Variants in PIK3CA observed in about 807,000 individuals in gnomAD.
The protein encoded by PIK3CA is phosphatidylinositol-4,5-bisphosphate 3-kinase catalytic subunit alpha, also known as phosphatidylinositol 4,5-bisphosphate 3-kinase catalytic subunit alpha isoform.
In PIK3CA, 27 loss-of-function variants were observed where a neutral mutation model predicts 138.2. The observed-to-expected ratio is 0.20, with a 90% confidence interval of 0.14 to 0.27. The LOEUF is 0.27. Among genes scored for constraint, PIK3CA ranks in the 10% least tolerant of loss-of-function variants. PIK3CA has a pLI of 1.00. For synonymous variants in PIK3CA, 358 were observed against 413.2 expected (o/e 0.87, Z 1.62); for missense variants, 544 against 1,277.4 (o/e 0.43, Z 8.75).
chr3:179,161,044 A>C (rs1371497890), intron 1 of PIK3CA, among the ~76,000 whole-genome samples: 1 of 152,164 alleles, frequency 6.6e-6, no homozygotes, highest in South Asian at 2.1e-4. Context: ...CCTCGGTGTA[A>C]GAGAGATCAA....
intron 1 of PIK3CA, among the ~76,000 whole-genome samples, chr3:179,152,846 A>G (rs1004185691): frequency 6.6e-6 from 1 of 152,146 alleles, no homozygotes; most frequent in Non-Finnish European, 1.5e-5. Context: ...GTGTTAGTCA[A>G]CCTGCTTGGG....
chr3:179,188,547 GCAAA>G (rs745979517), intron 1 of PIK3CA, among the ~76,000 whole-genome samples: 2 of 152,276 alleles, frequency 1.3e-5, no homozygotes, highest in East Asian at 1.9e-4. Flanking sequence ...ATGTGAAAAT[GCAAA>G]CAGAGTTTTC....
In PIK3CA at chr3:179,222,237, GA is replaced by G. The variant is rs954573726; in HGVS notation, c.2187+1091del. ...GCATCTTCATTACTAGTACTTGAAG[GA>G]AAAAAAAAAATTAAAACAAAGTTAT... On this transcript the variant is annotated intron_variant, in intron 14 of 20. Coordinates refer to ENST00000263967, the MANE Select transcript of PIK3CA (RefSeq NM_006218.4). 5.7e-4 allele frequency among the ~76,000 whole-genome samples: 83 copies of G among 146,538 alleles called. 1 individual carries two copies. Among genetic ancestry groups the G allele is most frequent in the African/African-American group, 1.2e-3 (49 of 40,122 alleles).
intron 1 of PIK3CA, among the ~76,000 whole-genome samples, chr3:179,172,922 C>A (rs547938086): frequency 7.9e-5 from 12 of 152,048 alleles, no homozygotes; most frequent in African/African-American, 2.9e-4. Context: ...TGCTATAAAG[C>A]TACAATAATC....
intron 1 of PIK3CA, among the ~76,000 whole-genome samples, chr3:179,184,378 C>T (rs934645507): frequency 6.6e-6 from 1 of 152,112 alleles, no homozygotes; most frequent in African/African-American, 2.4e-5. Flanking sequence ...TAATCATAGT[C>T]AACAGACACC....
At chr3:179,213,010 CT>C (rs917970144) in intron 9 of PIK3CA, among the ~76,000 whole-genome samples, 10 of 152,250 alleles carry the variant, frequency 6.6e-5, no homozygotes, top group African/African-American at 1.9e-4. Context: ...TCAGTTGCCC[CT>C]ATCCCCTATA....
chr3:179,201,650 G>T, intron 4 of PIK3CA, 110 bp downstream of exon 4: 1 of 727,232 alleles, frequency 1.4e-6, no homozygotes, highest in Middle Eastern at 4.3e-4. Context: ...CTCTCGCCCA[G>T]GCTGGAGTGC....
intron 1 of PIK3CA, among the ~76,000 whole-genome samples, chr3:179,174,067 C>G (rs890033131): frequency 6.6e-6 from 1 of 152,070 alleles, no homozygotes; most frequent in African/African-American, 2.4e-5. Context: ...GTGGTTTTTA[C>G]AACTATACAT....
At chr3:179,194,958 C>T (rs1051992295) in intron 1 of PIK3CA, among the ~76,000 whole-genome samples, 1 of 151,100 alleles carries the variant, frequency 6.6e-6, no homozygotes, top group African/African-American at 2.4e-5. Context: ...ATCTTTTTAA[C>T]CTTTGTTTTT....
At chr3:179,231,892 C>G (rs1348069817) in intron 20 of PIK3CA, among the ~76,000 whole-genome samples, 1 of 152,010 alleles carries the variant, frequency 6.6e-6, no homozygotes, top group Admixed American at 6.6e-5. Context: ...ATCCACCCGC[C>G]TCAGCCTCCC....
rs1725378422 is a variant in PIK3CA, at chr3:179,238,628, T to C, written c.*4264T>C. On this transcript the variant is annotated 3_prime_UTR_variant, in exon 21 of 21. Transcript: ENST00000263967. Reference sequence around the variant, plus strand: ...ATATGGAAGACCTTAAGAAAAAAACTTGGCTGAAGTTTAATCGTTGGTCCA... The same window carrying C: ...ATATGGAAGACCTTAAGAAAAAAACCTGGCTGAAGTTTAATCGTTGGTCCA... 4.5e-6 allele frequency: 1 copy of C among 223,982 alleles called. No homozygotes were observed. The highest frequency in any genetic ancestry group is 2.2e-5 in the African/African-American group (1 of 44,804). 13.9% of individuals were successfully genotyped at this position (223,982 alleles called of 1,614,324 possible).
chr3:179,223,970 G>C, intron 14 of PIK3CA, 111 bp from the exon 15 acceptor site: 1 of 531,738 alleles, frequency 1.9e-6, no homozygotes, highest in Non-Finnish European at 3.4e-6. Context: ...CTAGGATGTA[G>C]ATTCAGAGAC....
chr3:179,181,948 A>G (rs906673030), intron 1 of PIK3CA, among the ~76,000 whole-genome samples: 13 of 152,342 alleles, frequency 8.5e-5, no homozygotes, highest in Admixed American at 8.5e-4. Context: ...TGTAATTATA[A>G]TTATTGGGCA....
At position 179,234,547 on chromosome 3, in the gene PIK3CA, G is replaced by T; in HGVS notation, c.*183G>T. ...ATGTAAACGCAAACAGGGTTTGATA[G>T]CACTTAAACTAGTTCATTTCAAAAT... On this transcript the variant is annotated 3_prime_UTR_variant, in exon 21 of 21. Transcript: ENST00000263967. The surrounding 1 kb of genome is among the most constrained non-coding windows in gnomAD (Gnocchi z 5.1). 1 of 433,418 alleles carries T rather than the reference G, an allele frequency of 2.3e-6. No individual in the cohort carries two copies. The highest frequency in any genetic ancestry group is 4.0e-6 in the Non-Finnish European group (1 of 248,986). 26.8% of individuals were successfully genotyped at this position (433,418 alleles called of 1,614,324 possible).
Position 179,218,251 on chromosome 3 carries a change from C to A in PIK3CA, c.1581C>A (p.Asp527Glu), listed in dbSNP as rs2108408093. Residue 527 changes from aspartate (D) to glutamate (E), a missense_variant, in exon 10 of 21, where the codon GAC becomes GAA. Asp to Glu is a conservative substitution (Grantham distance 45, BLOSUM62 2). Around this residue, in one of 14 missense-constraint regions of PIK3CA, gnomAD observed 52 missense variants for 83.4 expected, o/e 0.62. Transcript: ENST00000263967. ...LARDNELREN[D>E]KEQLKAISTR... ...GAGACAATGAATTAAGGGAAAATGA[C>A]AAAGAACAGCTCAAAGCAATTTCTA... The A allele has an allele frequency of 1.9e-6, 3 of 1,609,690 alleles. No homozygotes were observed. Among genetic ancestry groups the A allele is most frequent in the Non-Finnish European group, 2.5e-6 (3 of 1,177,462 alleles).
chr3:179,206,086 CT>C (rs751353057), intron 6 of PIK3CA, among the ~76,000 whole-genome samples: 3,558 of 105,150 alleles, frequency 0.034, 24 homozygotes, highest in Non-Finnish European at 0.047. Flanking sequence ...ACTTCAGGAT[CT>C]TTTTTTTTTT....
chr3:179,155,274 A>G (rs1723106254), intron 1 of PIK3CA, among the ~76,000 whole-genome samples: 1 of 152,228 alleles, frequency 6.6e-6, no homozygotes, highest in Non-Finnish European at 1.5e-5. Context: ...GTCCAAATGT[A>G]GGTGATCAGT....
intron 9 of PIK3CA, among the ~76,000 whole-genome samples, chr3:179,210,975 A>T (rs1209088546): frequency 6.6e-6 from 1 of 152,210 alleles, no homozygotes; most frequent in African/African-American, 2.4e-5. Flanking sequence ...TTATATGTGG[A>T]TTTTTTTCAA....
At chr3:179,213,274 G>A (rs956577302) in intron 9 of PIK3CA, among the ~76,000 whole-genome samples, 1 of 152,148 alleles carries the variant, frequency 6.6e-6, no homozygotes, top group Non-Finnish European at 1.5e-5. Flanking sequence ...AAATGTTTTG[G>A]TTTCCCAGTG....
Sources: allele counts gnomAD v4.1 joint callset (sites outside exome capture counted in the v4.1 genomes callset), GRCh38; gene constraint gnomAD v4.1.1; regional missense constraint gnomAD v4.1.1; non-coding constraint Gnocchi (gnomAD v3.1); transcripts MANE v1.5; gene names NCBI Gene and HGNC (gene_info 2026-07-23, HGNC 2026-07-21).